GUCY1A1: variants seen among roughly 807,000 people sequenced by gnomAD.
The protein encoded by GUCY1A1 is guanylate cyclase 1 soluble subunit alpha 1, also known as guanylate cyclase soluble subunit alpha-1.
In GUCY1A1, 48 loss-of-function variants were observed where a neutral mutation model predicts 64.5. The observed-to-expected ratio is 0.74, with a 90% confidence interval of 0.59 to 0.95. The LOEUF is 0.95. GUCY1A1 is among the 40% of genes least tolerant of loss of function. GUCY1A1 has a pLI of 0.00. For missense variants in GUCY1A1, 804 were observed against 825.3 expected (o/e 0.97, Z 0.32); for synonymous variants, 308 against 303.4 (o/e 1.02, Z -0.16).
chr4:155,670,553 G>T (rs1734008977), intron 2 of GUCY1A1, among the ~76,000 whole-genome samples: 1 of 152,084 alleles, frequency 6.6e-6, no homozygotes, highest in Non-Finnish European at 1.5e-5. Context: ...AGCCTCGAAG[G>T]CTTACAGAGG....
intron 9 of GUCY1A1, among the ~76,000 whole-genome samples, chr4:155,728,837 T>G (rs1171724695): frequency 3.3e-5 from 5 of 151,850 alleles, no homozygotes; most frequent in Non-Finnish European, 7.4e-5. Flanking sequence ...ATAATGGACA[T>G]CTGTGCTGCT....
At chr4:155,722,589 C>A (rs747498224) in intron 9 of GUCY1A1, 171 of 265,896 alleles carry the variant, frequency 6.4e-4, no homozygotes, top group Admixed American at 1.4e-3. Flanking sequence ...ACCCAACAAG[C>A]CTGCCCTTAA....
intron 2 of GUCY1A1, among the ~76,000 whole-genome samples, chr4:155,668,843 C>T (rs1733737163): frequency 6.6e-6 from 1 of 151,738 alleles, no homozygotes; most frequent in African/African-American, 2.4e-5. Flanking sequence ...GTTGTCTATG[C>T]ATTCTGTGCT....
In GUCY1A1 at chr4:155,713,454, C is replaced by A. The variant is rs757647141; in HGVS notation, c.1443C>A (p.Thr481=). The change falls in exon 7 of 10, where the codon ACC becomes ACA. Residue 481 remains threonine (T), a synonymous_variant. Coordinates refer to ENST00000506455, the MANE Select transcript of GUCY1A1 (RefSeq NM_001130682.3). ...VVQAKKFSNV[T]MLFSDIVGFT... is the part of the protein sequence containing the mutation. ...AAGCCAAGAAGTTCAGTAATGTCAC[C>A]ATGCTCTTCTCAGACATCGTTGGGT... 1.1e-5 allele frequency: 18 copies of A among 1,614,038 alleles called. No homozygotes were observed. In the African/African-American group the frequency reaches 1.9e-4, roughly 17 times the overall value.
chr4:155,722,476 T>C, intron 9 of GUCY1A1: 1 of 1,184,510 alleles, frequency 8.4e-7, no homozygotes, highest in Non-Finnish European at 1.1e-6. Context: ...ATACTCTTAG[T>C]ATGTTGATAG....
At chr4:155,684,613 A>T (rs1275682222) in intron 2 of GUCY1A1, among the ~76,000 whole-genome samples, 1 of 152,016 alleles carries the variant, frequency 6.6e-6, no homozygotes, top group Non-Finnish European at 1.5e-5. Flanking sequence ...CTCGAATCTC[A>T]CACTTCACTT....
intron 3 of GUCY1A1, among the ~76,000 whole-genome samples, chr4:155,697,568 T>C (rs1730579916): frequency 6.6e-6 from 1 of 152,176 alleles, no homozygotes; most frequent in African/African-American, 2.4e-5. Context: ...TCTGCTCAAA[T>C]TTTCTCTCCT....
intron 2 of GUCY1A1, among the ~76,000 whole-genome samples, chr4:155,692,896 T>G (rs1729938182): frequency 6.6e-6 from 1 of 151,850 alleles, no homozygotes; most frequent in South Asian, 2.1e-4. Flanking sequence ...CCATCTCTAC[T>G]AAAAATACAA....
chr4:155,704,249 C>G (rs780993305), intron 4 of GUCY1A1, among the ~76,000 whole-genome samples: 2 of 152,130 alleles, frequency 1.3e-5, no homozygotes, highest in Non-Finnish European at 2.9e-5. Context: ...AGCTGGGGTT[C>G]GAGCCTGGGT....
chr4:155,730,882 A>G lies in GUCY1A1; in HGVS notation c.*651A>G, dbSNP rs778540721. 4 of 153,190 alleles carry G rather than the reference A, an allele frequency of 2.6e-5. No individual in the cohort carries two copies. Among genetic ancestry groups the G allele is most frequent in the Non-Finnish European group, 4.4e-5 (3 of 67,822 alleles). The allele number at this position is 153,190 out of a possible 1,614,324, so 9.5% of individuals were successfully genotyped here. A position where few individuals can be genotyped will look rare whatever the true frequency, so the allele number is the denominator to read the frequency against. On this transcript the variant is annotated 3_prime_UTR_variant, in exon 10 of 10. Coordinates refer to ENST00000506455, the MANE Select transcript of GUCY1A1 (RefSeq NM_001130682.3). ...GTTCTGGAAGTTAAAAATACTCTCCATAGTAACGTGTGTTATAATAATAAA... is the reference window on the plus strand; with the variant it reads ...GTTCTGGAAGTTAAAAATACTCTCCGTAGTAACGTGTGTTATAATAATAAA...
At chr4:155,713,077 T>G (rs1732784028) in intron 6 of GUCY1A1, 21 bp from the exon 7 acceptor site, 1 of 1,575,846 alleles carries the variant, frequency 6.3e-7, no homozygotes, top group Admixed American at 1.8e-5. Flanking sequence ...AAACCACAAT[T>G]GGTTATCCTT....
chr4:155,670,253 C>A (rs1405186617), intron 2 of GUCY1A1, among the ~76,000 whole-genome samples: 1 of 152,150 alleles, frequency 6.6e-6, no homozygotes, highest in African/African-American at 2.4e-5. Flanking sequence ...TTTGTAAAAA[C>A]AAATTTTTTC....
chr4:155,711,848 C>T (rs1732610686), intron 6 of GUCY1A1, among the ~76,000 whole-genome samples: 1 of 152,050 alleles, frequency 6.6e-6, no homozygotes, highest in South Asian at 2.1e-4. Flanking sequence ...ACAGAAGCAC[C>T]ATTTGTTCCC....
intron 2 of GUCY1A1, among the ~76,000 whole-genome samples, chr4:155,688,309 A>G (rs1017858): frequency 0.97 from 147,365 of 151,832 alleles, 71,674 homozygotes; most frequent in East Asian, 1. Flanking sequence ...GTATGTATGT[A>G]TGTGTGTGTG....
At chr4:155,714,738 G>A (rs1479771633) in intron 7 of GUCY1A1, among the ~76,000 whole-genome samples, 1 of 152,108 alleles carries the variant, frequency 6.6e-6, no homozygotes, top group East Asian at 1.9e-4. Flanking sequence ...GATGCCAGAA[G>A]TAAAACCTTA....
rs977536862 is a variant in GUCY1A1 at position 155,732,700 on chromosome 4, G to A, written c.*2469G>A. 4.6e-5 allele frequency among the ~76,000 whole-genome samples: 7 copies of A among 151,796 alleles called. No individual in the cohort carries two copies. The highest frequency in any genetic ancestry group is 1.7e-4 in the African/African-American group (7 of 41,386). On this transcript the variant is annotated 3_prime_UTR_variant, in exon 10 of 10. Coordinates refer to ENST00000506455, the MANE Select transcript of GUCY1A1 (RefSeq NM_001130682.3). ...ATAGTGGACAAACAGCCTGTAATCA[G>A]GTTGGGGATTACGGGTACTGAGTTA...
intron 2 of GUCY1A1, among the ~76,000 whole-genome samples, chr4:155,672,779 T>C (rs1734321701): frequency 6.6e-6 from 1 of 152,206 alleles, no homozygotes; most frequent in Non-Finnish European, 1.5e-5. Context: ...GGTTGGACTC[T>C]GTCAACACTT....
At chr4:155,668,258 A>G (rs1169974730) in intron 2 of GUCY1A1, 1 of 152,194 alleles carries the variant, frequency 6.6e-6, no homozygotes, top group Non-Finnish European at 1.5e-5. Flanking sequence ...CTGCTCACTG[A>G]TTTTCACATG....
Position 155,713,448 on chromosome 4 carries a change from T to C in GUCY1A1, c.1437T>C (p.Asn479=), listed in dbSNP as rs143472664. Residue 479 remains asparagine, a synonymous_variant, in exon 7 of 10, where the codon AAT becomes AAC. Coordinates refer to ENST00000506455, the MANE Select transcript of GUCY1A1 (RefSeq NM_001130682.3). ...TTGTGCAAGCCAAGAAGTTCAGTAA[T>C]GTCACCATGCTCTTCTCAGACATCG... ...GQVVQAKKFS[N]VTMLFSDIVG... The C allele has an allele frequency of 5.0e-3, 7,995 of 1,614,166 alleles. 26 individuals are homozygous for C. Among genetic ancestry groups the C allele is most frequent in the Admixed American group, 7.0e-3 (422 of 60,024 alleles).
Sources: allele counts gnomAD v4.1 joint callset (sites outside exome capture counted in the v4.1 genomes callset), GRCh38; gene constraint gnomAD v4.1.1; transcripts MANE v1.5; gene names NCBI Gene and HGNC (gene_info 2026-07-23, HGNC 2026-07-21).